Variants in GSE1 observed in about 807,000 individuals in gnomAD.
The protein encoded by GSE1 is Gse1 coiled-coil protein.
GSE1 carries 32 observed loss-of-function variants against 112.6 expected under a neutral mutation model. The observed-to-expected ratio is 0.28, with a 90% CI of 0.21 to 0.38. GSE1 has a LOEUF of 0.38. GSE1 is among the 10% of genes least tolerant of loss of function. GSE1 has a pLI of 1.00. For missense variants in GSE1, 2,348 were observed against 1,699.2 expected, an observed-to-expected ratio of 1.38 and a Z score of -6.71; for synonymous variants, 1,115 against 735.6, an observed-to-expected ratio of 1.52 and a Z score of -8.35.
In GSE1 at chr16:85,648,560, C is replaced by A. The variant is rs2051073544; in HGVS notation, c.235C>A (p.Leu79Met). 1.9e-6 allele frequency: 3 copies of A among 1,558,138 alleles called. No homozygotes were observed. The highest frequency in any genetic ancestry group is 1.2e-5 in the South Asian group (1 of 84,190). The change falls in exon 3 of 16, where the codon CTG becomes ATG. Residue 79 changes from leucine (L) to methionine (M), a missense_variant. Physicochemically the swap from Leu to Met is conservative, Grantham distance 15. Coordinates refer to ENST00000253458, the MANE Select transcript of GSE1 (RefSeq NM_014615.5). ...CGTCTTCTCCTCCACAGGGTCCTCA[C>A]TGAGCAGCGAGTCGTCCCCCGTGTC... is the stretch of plus-strand genomic sequence containing the variant. ...KQAEEPRGSS[L>M]SSESSPVSSP...
chr16:85,583,973 C>G (rs2046570501), intron 1 of GSE1, among the ~76,000 whole-genome samples: 1 of 152,232 alleles, frequency 6.6e-6, no homozygotes, highest in Non-Finnish European at 1.5e-5. Context: ...CTACCACTTC[C>G]CACTGTGATC....
chr16:85,213,755 G>A (rs76548493), intron 1 of GSE1, among the ~76,000 whole-genome samples: 1 of 152,200 alleles, frequency 6.6e-6, no homozygotes, highest in African/African-American at 2.4e-5. Flanking sequence ...CTGAGCTCAG[G>A]CTCTGAGCCG....
rs541268970 is a variant in GSE1 at position 85,331,176 on chromosome 16, C to T, written c.2284-26287C>T. Among the ~76,000 whole-genome samples, 19 of 148,566 alleles carry T rather than the reference C, an allele frequency of 1.3e-4. 1 individual carries two copies. The South Asian group carries it at 3.4e-3, about 27-fold the overall frequency. On this transcript the variant is annotated intron_variant, in intron 1 of 2. Coordinates refer to the GSE1 transcript ENST00000637419. ...TATTTATTTATTTATTTTTTGAGAC[C>T]GACTCTCACTGTGTCACCCAGGCTG... is the stretch of plus-strand genomic sequence containing the variant.
chr16:85,409,344 C>A (rs1370430680), intron 2 of GSE1, among the ~76,000 whole-genome samples: 4 of 47,812 alleles, frequency 8.4e-5, no homozygotes, highest in African/African-American at 3.0e-4. Flanking sequence ...CTCAGGGCCC[C>A]CCTGGATAAT....
At chr16:85,291,719 G>A (rs2045218846) in intron 1 of GSE1, among the ~76,000 whole-genome samples, 1 of 152,224 alleles carries the variant, frequency 6.6e-6, no homozygotes, top group Non-Finnish European at 1.5e-5. Context: ...CCCTGTGGGG[G>A]TTAGGGGTGA....
At chr16:85,310,986 G>A (rs939412515) in intron 1 of GSE1, among the ~76,000 whole-genome samples, 2 of 152,264 alleles carry the variant, frequency 1.3e-5, no homozygotes, top group African/African-American at 4.8e-5. Context: ...GCAACCGGCA[G>A]GCAGGAGCAG....
intron 1 of GSE1, among the ~76,000 whole-genome samples, chr16:85,277,593 C>T (rs1444572675): frequency 6.6e-6 from 1 of 152,180 alleles, no homozygotes; most frequent in Non-Finnish European, 1.5e-5. Flanking sequence ...TCCCGCCTAC[C>T]CACAGGTGCC....
intron 13 of GSE1, among the ~76,000 whole-genome samples, chr16:85,666,948 T>G (rs374200154): frequency 6.6e-6 from 1 of 152,226 alleles, no homozygotes; most frequent in African/African-American, 2.4e-5. Flanking sequence ...CTACATTGAA[T>G]CCATGCAAAT....
intron 2 of GSE1, among the ~76,000 whole-genome samples, chr16:85,522,806 G>T (rs2052232368): frequency 6.6e-6 from 1 of 152,116 alleles, no homozygotes; most frequent in Admixed American, 6.5e-5. Flanking sequence ...GTGAATGTGT[G>T]TTGGATATAT....
chr16:85,313,900 C>A (rs1021354474), intron 1 of GSE1, among the ~76,000 whole-genome samples: 3 of 150,426 alleles, frequency 2.0e-5, no homozygotes, highest in Non-Finnish European at 3.0e-5. Context: ...TGATGTGCTA[C>A]AGCACTAGTC....
chr16:85,537,246 A>G (rs1318857687), intron 2 of GSE1, among the ~76,000 whole-genome samples: 1 of 152,190 alleles, frequency 6.6e-6, no homozygotes, highest in African/African-American at 2.4e-5. Context: ...CCCCATGACA[A>G]CAGACCATCA....
intron 1 of GSE1, among the ~76,000 whole-genome samples, chr16:85,587,373 A>G (rs1261933776): frequency 6.6e-6 from 1 of 152,044 alleles, no homozygotes; most frequent in Non-Finnish European, 1.5e-5. Context: ...CAAGGTAAAA[A>G]CCTTCCCCCG....
chr16:85,421,129 G>T lies in GSE1; in HGVS notation c.2464+63486G>T, dbSNP rs573210890. Among the ~76,000 whole-genome samples the T allele has an allele frequency of 1.1e-4, 17 of 152,344 alleles. No homozygotes were observed. In the South Asian group the frequency reaches 2.5e-3, roughly 22 times the overall value. The stretch of plus-strand genomic sequence containing the variant: ...GCACAGAGCCCGGCACGCAGTGGGC[G>T]CTGTGAAAGTGTGTGTTAAACCAAG... On this transcript the variant is annotated intron_variant, in intron 2 of 2. Coordinates refer to the GSE1 transcript ENST00000637419.
intron 3 of GSE1, among the ~76,000 whole-genome samples, chr16:85,652,223 G>T (rs1221596403): frequency 6.6e-6 from 1 of 152,232 alleles, no homozygotes; most frequent in Non-Finnish European, 1.5e-5. Flanking sequence ...AGCAGGTGCC[G>T]TGACGGGCAC....
At chr16:85,520,813 A>C (rs901338103) in intron 2 of GSE1, among the ~76,000 whole-genome samples, 6 of 152,162 alleles carry the variant, frequency 3.9e-5, no homozygotes, top group African/African-American at 1.4e-4. Flanking sequence ...GCCAGAGAAA[A>C]AGATTTTGTG....
chr16:85,555,005 C>A (rs918296623), upstream of GSE1: 3 of 985,330 alleles, frequency 3.0e-6, no homozygotes, highest in East Asian at 3.4e-4. Context: ...ATCTGCCGCC[C>A]GGCTCGGCGG....
At position 85,486,340 on chromosome 16, in the gene GSE1, C is replaced by T. The variant is rs141826301; in HGVS notation, c.2464+128697C>T. On this transcript the variant is annotated intron_variant, in intron 2 of 2. Transcript: ENST00000637419. ...TCCTGCTCTTGCACGCATGTTGTCACGTGCACACGAGCCCGGGAAGCCTTC... is the reference window on the plus strand; with the variant it reads ...TCCTGCTCTTGCACGCATGTTGTCATGTGCACACGAGCCCGGGAAGCCTTC... 1.4e-4 allele frequency among the ~76,000 whole-genome samples: 21 copies of T among 152,334 alleles called. No individual in the cohort carries two copies. In the East Asian group the frequency reaches 3.9e-3, roughly 28 times the overall value.
In GSE1 at chr16:85,638,106, C is replaced by T. The variant is rs188226283; in HGVS notation, c.226+3974C>T. Among the ~76,000 whole-genome samples the T allele has an allele frequency of 4.9e-3, 742 of 152,310 alleles. 9 individuals are homozygous for T. The highest frequency in any genetic ancestry group is 0.017 in the African/African-American group (699 of 41,572). On this transcript the variant is annotated intron_variant, in intron 2 of 15. Coordinates refer to ENST00000253458, the MANE Select transcript of GSE1 (RefSeq NM_014615.5). ...CTCACCCTGACCCTCCTCTCCAGTG[C>T]ACGCCTGACGACTTCTGGAAGTGCC... is the stretch of plus-strand genomic sequence containing the variant.
intron 2 of GSE1, among the ~76,000 whole-genome samples, chr16:85,497,435 G>A (rs374373509): frequency 6.6e-6 from 1 of 152,204 alleles, no homozygotes; most frequent in Non-Finnish European, 1.5e-5. Flanking sequence ...AGGGGCCCAC[G>A]GGATGGTTGG....
Sources: allele counts gnomAD v4.1 joint callset (sites outside exome capture counted in the v4.1 genomes callset), GRCh38; gene constraint gnomAD v4.1.1; transcripts MANE v1.5; gene names NCBI Gene and HGNC (gene_info 2026-07-23, HGNC 2026-07-21).